The following HMCES variants were observed in gnomAD, a reference collection of about 807,000 sequenced individuals.
HMCES encodes 5-hydroxymethylcytosine binding, ES cell specific.
In HMCES, 27 loss-of-function variants were observed where a neutral mutation model predicts 35.1. The ratio of observed to expected loss-of-function variants is 0.77; its 90% CI spans 0.57 to 1.06. The LOEUF (loss-of-function observed/expected upper bound fraction) is 1.06, where lower values mean the gene tolerates loss of function less well. Among genes scored for constraint, HMCES ranks in the 50% least tolerant of loss-of-function variants. The probability of loss-of-function intolerance (pLI) is 0.00; values close to 1 mark genes in which losing one functional copy is unlikely to be tolerated. For synonymous variants in HMCES, 130 were observed against 154.7 expected, an observed-to-expected ratio of 0.84 and a Z score of 1.18; for missense variants, 391 against 430.4, an observed-to-expected ratio of 0.91 and a Z score of 0.81.
At chr3:129,295,308 G>C (rs375936566) in intron 4 of HMCES, among the ~76,000 whole-genome samples, 2 of 151,536 alleles carry the variant, frequency 1.3e-5, no homozygotes, top group African/African-American at 4.9e-5. Context: ...ATGGTGGCTC[G>C]TGCCTGTGGT....
At chr3:129,280,201 T>C (rs769562003) in intron 2 of HMCES, among the ~76,000 whole-genome samples, 1 of 152,224 alleles carries the variant, frequency 6.6e-6, no homozygotes, top group Non-Finnish European at 1.5e-5. Context: ...TGTTTTAAAA[T>C]AGCAGCTTTC....
intron 4 of HMCES, among the ~76,000 whole-genome samples, chr3:129,291,067 T>C (rs2107691046): frequency 6.6e-6 from 1 of 152,096 alleles, no homozygotes; most frequent in South Asian, 2.1e-4. Flanking sequence ...CTGGGCATGG[T>C]GGTGTGTGCC....
At chr3:129,302,959 GT>G (rs1222696617) in intron 6 of HMCES, among the ~76,000 whole-genome samples, 1 of 152,008 alleles carries the variant, frequency 6.6e-6, no homozygotes, top group Non-Finnish European at 1.5e-5. Flanking sequence ...TGACCATATT[GT>G]TTCTCCGTCC....
intron 5 of HMCES, among the ~76,000 whole-genome samples, chr3:129,300,030 G>A (rs188556429): frequency 6.6e-6 from 1 of 151,802 alleles, no homozygotes; most frequent in East Asian, 1.9e-4. Context: ...ATAATCACAT[G>A]TTCTCATTTT....
At chr3:129,296,420 C>T (rs1158706426) in intron 4 of HMCES, among the ~76,000 whole-genome samples, 4 of 152,106 alleles carry the variant, frequency 2.6e-5, no homozygotes, top group South Asian at 2.1e-4. Flanking sequence ...TCTCTGCTAA[C>T]GTTCCTTATC....
rs1406962760 is a variant in HMCES, at chr3:129,290,711, T to A, written c.360T>A (p.Val120=). The A allele has an allele frequency of 6.2e-7, 1 of 1,613,514 alleles. No homozygotes were observed. The highest frequency in any genetic ancestry group is 8.5e-7 in the Non-Finnish European group (1 of 1,179,634). ...TGGGAAAGGGAAGACGCTGTGTCGT[T>A]TTAGCAGATGGATTCTATGAGTGGC... ...VPLGKGRRCV[V]LADGFYEWQR... The change falls in exon 4 of 7, where the codon GTT becomes GTA. Residue 120 remains valine, a synonymous_variant. Transcript: ENST00000383463.
chr3:129,298,790 AT>A (rs893340416), intron 5 of HMCES, among the ~76,000 whole-genome samples: 2 of 152,260 alleles, frequency 1.3e-5, no homozygotes, highest in Non-Finnish European at 2.9e-5. Flanking sequence ...CATTAAAAAA[AT>A]AATGGAAACC....
intron 2 of HMCES, among the ~76,000 whole-genome samples, chr3:129,284,978 C>A (rs60944480): frequency 0.12 from 18,661 of 152,110 alleles, 1,265 homozygotes; most frequent in Middle Eastern, 0.23. Context: ...ATTTTATCAG[C>A]AGCACTATGG....
chr3:129,296,628 T>C (rs1174318059), intron 4 of HMCES, among the ~76,000 whole-genome samples: 4 of 152,226 alleles, frequency 2.6e-5, no homozygotes, highest in Non-Finnish European at 5.9e-5. Flanking sequence ...AGAGATGATA[T>C]GTAGGACAGA....
rs111488794 is a variant in HMCES, at chr3:129,304,733, C to G, written c.973C>G (p.Pro325Ala). The G allele has an allele frequency of 1.9e-6, 3 of 1,614,110 alleles. No individual in the cohort carries two copies. Among genetic ancestry groups the G allele is most frequent in the Non-Finnish European group, 2.5e-6 (3 of 1,180,004 alleles). Residue 325 changes from proline to alanine, a missense_variant, in exon 7 of 7, where the codon CCC becomes GCC. By Grantham distance (27) the Pro-to-Ala change is conservative (BLOSUM62 -1). Transcript: ENST00000383463. ...TCAGTTCCTGCAGAAGAGTCCACTC[C>G]CCACCAAGAGAGGCACTGCAGGACT... ...SSQFLQKSPL[P>A]TKRGTAGLLE...
At chr3:129,286,053 G>C (rs1424101160) in intron 2 of HMCES, among the ~76,000 whole-genome samples, 1 of 152,178 alleles carries the variant, frequency 6.6e-6, no homozygotes, top group Non-Finnish European at 1.5e-5. Flanking sequence ...TTTGAACCAG[G>C]ATCTCCTTAC....
intron 6 of HMCES, among the ~76,000 whole-genome samples, chr3:129,302,670 T>C (rs2071183954): frequency 6.6e-6 from 1 of 151,944 alleles, no homozygotes; most frequent in South Asian, 2.1e-4. Context: ...TGAGCCTAGA[T>C]TGGGCCACTG....
intron 2 of HMCES, 33 bp from the exon 3 acceptor site, chr3:129,288,821 T>C: frequency 7.0e-7 from 1 of 1,424,340 alleles, no homozygotes; most frequent in Non-Finnish European, 9.4e-7. Context: ...AATTTCATTA[T>C]GATCTCCTCA....
rs1940719669 is a variant in HMCES at position 129,288,943 on chromosome 3, G to A, written c.273G>A (p.Gln91=). Residue 91 remains glutamine (Q), a synonymous_variant, in exon 3 of 7, where the codon CAG becomes CAA. Transcript: ENST00000383463. ...AAGAAAGTGATCCTTCCAAGCTGCA[G>A]TTCAATACTACCAACTGTCGTAGTG... ...WFKESDPSKL[Q]FNTTNCRSDT... 6.2e-7 allele frequency: 1 copy of A among 1,602,328 alleles called. No homozygotes were observed. Among genetic ancestry groups the A allele is most frequent in the Non-Finnish European group, 8.5e-7 (1 of 1,170,800 alleles).
chr3:129,280,126 A>G (rs927606902), intron 2 of HMCES, among the ~76,000 whole-genome samples: 5 of 152,222 alleles, frequency 3.3e-5, no homozygotes, highest in African/African-American at 1.2e-4. Flanking sequence ...TTCAGGCTCA[A>G]TTTAAATGCC....
chr3:129,288,935 A>C lies in HMCES; in HGVS notation c.265A>C (p.Lys89Gln). The C allele has an allele frequency of 6.2e-7, 1 of 1,603,624 alleles. No individual in the cohort carries two copies. Among genetic ancestry groups the C allele is most frequent in the Non-Finnish European group, 8.5e-7 (1 of 1,171,706 alleles). The change falls in exon 3 of 7, where the codon AAG (lysine) becomes CAG (glutamine). Residue 89 changes from lysine to glutamine, a missense_variant. Physicochemically the swap from Lys to Gln is moderately conservative, Grantham distance 53. Transcript: ENST00000383463. ...PSWFKESDPS[K>Q]LQFNTTNCRS... ...TTGGTTCAAAGAAAGTGATCCTTCC[A>C]AGCTGCAGTTCAATACTACCAACTG...
chr3:129,286,707 C>T (rs1314573523), intron 2 of HMCES, among the ~76,000 whole-genome samples: 1 of 152,034 alleles, frequency 6.6e-6, no homozygotes, highest in African/African-American at 2.4e-5. Context: ...TCCATTTGTA[C>T]TACAATTTCT....
chr3:129,304,351 T>C (rs560428819), intron 6 of HMCES, among the ~76,000 whole-genome samples: 1 of 152,360 alleles, frequency 6.6e-6, no homozygotes, highest in East Asian at 1.9e-4. Flanking sequence ...CTTTCAGCTC[T>C]CTTCTCTGGC....
intron 4 of HMCES, among the ~76,000 whole-genome samples, chr3:129,292,591 C>T (rs2107692052): frequency 6.7e-6 from 1 of 149,790 alleles, no homozygotes; most frequent in Non-Finnish European, 1.5e-5. Context: ...CTCTCGGGTT[C>T]AAGCGATTCT....
Sources: allele counts gnomAD v4.1 joint callset (sites outside exome capture counted in the v4.1 genomes callset), GRCh38; gene constraint gnomAD v4.1.1; transcripts MANE v1.5; gene names NCBI Gene and HGNC (gene_info 2026-07-23, HGNC 2026-07-21).